Variants in LMAN2 observed in about 807,000 individuals in gnomAD.
LMAN2 encodes the protein vesicular integral-membrane protein VIP36.
Under a neutral mutation model 39.3 loss-of-function variants are expected in LMAN2, and 22 were observed. The observed-to-expected ratio is 0.56, with a 90% CI of 0.40 to 0.80. LMAN2 has a LOEUF of 0.80. LMAN2 is among the 30% of genes least tolerant of loss of function. The pLI, the probability that LMAN2 is intolerant of heterozygous loss-of-function variation, is 0.00. For synonymous variants in LMAN2, 207 were observed against 207.8 expected (o/e 1.00, Z 0.03); for missense variants, 494 against 505.4 (o/e 0.98, Z 0.22).
At chr5:177,343,795 G>A (rs1358045260) in intron 2 of LMAN2, among the ~76,000 whole-genome samples, 2 of 152,238 alleles carry the variant, frequency 1.3e-5, no homozygotes, top group Non-Finnish European at 2.9e-5. Context: ...GGGGATGGGA[G>A]TGATTGTTAA....
chr5:177,333,665 C>T (rs543543205), intron 7 of LMAN2, among the ~76,000 whole-genome samples: 86 of 152,358 alleles, frequency 5.6e-4, no homozygotes, highest in South Asian at 1.2e-3. Flanking sequence ...ACATCTGTGG[C>T]TCTTAGGGTG....
rs1291044694 is a variant in LMAN2, at chr5:177,337,690, T to C, written c.513+16A>G. On this transcript the variant is annotated intron_variant, in intron 4 of 7. Coordinates refer to ENST00000303127, the MANE Select transcript of LMAN2 (RefSeq NM_006816.3). This position sits in a 1 kb window ranked among gnomAD's most constrained non-coding sequence, Gnocchi z 8.2. ...GTCCTTCCTTTCCTGCTCAGCAGGATAGAGCAGGGGCCTACCTCAGTGGTC... is the reference window on the plus strand; with the variant it reads ...GTCCTTCCTTTCCTGCTCAGCAGGACAGAGCAGGGGCCTACCTCAGTGGTC... The C allele has an allele frequency of 1.2e-6, 2 of 1,611,978 alleles. No homozygotes were observed. The highest frequency in any genetic ancestry group is 8.5e-7 in the Non-Finnish European group (1 of 1,178,266).
chr5:177,334,306 G>C lies in LMAN2; in HGVS notation c.888C>G (p.Val296=). ...SIDWTKIEPS[V]NFLKSPKDNV... is the part of the protein sequence containing the mutation. ...CACCTTTGGGCGACTTGAGGAAGTT[G>C]ACGCTGGGCTCGATCTTGGTCCAGT... Residue 296 remains valine (V), a synonymous_variant, in exon 7 of 8, where the codon GTC becomes GTG. Transcript: ENST00000303127. 1 of 1,612,508 alleles carries C rather than the reference G, an allele frequency of 6.2e-7. No individual in the cohort carries two copies. Among genetic ancestry groups the C allele is most frequent in the Non-Finnish European group, 8.5e-7 (1 of 1,179,940 alleles).
chr5:177,336,558 C>T (rs1330177669), intron 6 of LMAN2, among the ~76,000 whole-genome samples: 1 of 152,176 alleles, frequency 6.6e-6, no homozygotes, highest in African/African-American at 2.4e-5. Context: ...GTGAGACGTG[C>T]TGTGAAAATA....
rs752019676 is a variant in LMAN2 at position 177,332,924 on chromosome 5, C to A, written c.911-678G>T. Among the ~76,000 whole-genome samples the A allele has an allele frequency of 6.6e-6, 1 of 152,136 alleles. No individual in the cohort carries two copies. Among genetic ancestry groups the A allele is most frequent in the Non-Finnish European group, 1.5e-5 (1 of 68,006 alleles). ...CTCTGCCTCCCTCCCTGACTGCGGC[C>A]CCCCCGACTCCACACTGTACAGTCT... On this transcript the variant is annotated intron_variant, in intron 7 of 7. Transcript: ENST00000303127. The surrounding 1 kb of genome is among the most constrained non-coding windows in gnomAD (Gnocchi z 6.3).
intron 2 of LMAN2, chr5:177,346,421 T>C (rs1447881922): frequency 1.5e-5 from 9 of 611,802 alleles, no homozygotes; most frequent in Middle Eastern, 6.5e-4. Context: ...ATTGCAGATA[T>C]TTAAAGTTGA....
rs1353627185 is a variant in LMAN2 at position 177,345,336 on chromosome 5, G to A, written c.315+5837C>T. 9.2e-5 allele frequency among the ~76,000 whole-genome samples: 7 copies of A among 75,752 alleles called. No individual in the cohort carries two copies. In the South Asian group the frequency reaches 1.4e-3, roughly 15 times the overall value. The allele number at this position is 75,752 out of a possible 152,430, so 49.7% of individuals were successfully genotyped here. The stretch of plus-strand genomic sequence containing the variant: ...AGCCTAGGTGACAGATTAAGACCCT[G>A]TCTAAAAAAAAAAAAAAAAAAAAAA... On this transcript the variant is annotated intron_variant, in intron 2 of 7. Transcript: ENST00000303127.
In LMAN2 at chr5:177,332,631, G is replaced by A. The variant is rs1761406071; in HGVS notation, c.911-385C>T. ...CTGTGGTCTGAGGGCCCTTTCTGGA[G>A]CAGCGCGGCCCTGGTCACAGGCTCT... On this transcript the variant is annotated intron_variant, in intron 7 of 7. Coordinates refer to ENST00000303127, the MANE Select transcript of LMAN2 (RefSeq NM_006816.3). This position sits in a 1 kb window ranked among gnomAD's most constrained non-coding sequence, Gnocchi z 6.3. Among the ~76,000 whole-genome samples, 1 of 152,116 alleles carries A rather than the reference G, an allele frequency of 6.6e-6. No individual in the cohort carries two copies. Among genetic ancestry groups the A allele is most frequent in the African/African-American group, 2.4e-5 (1 of 41,418 alleles).
intron 2 of LMAN2, among the ~76,000 whole-genome samples, chr5:177,345,727 C>T (rs1028795529): frequency 7.0e-6 from 1 of 142,066 alleles, no homozygotes; most frequent in Admixed American, 7.2e-5. Context: ...TCGCAGCAGC[C>T]ATGGCATGCA....
chr5:177,338,916 C>T (rs1761513885), intron 2 of LMAN2, among the ~76,000 whole-genome samples: 3 of 152,262 alleles, frequency 2.0e-5, no homozygotes, highest in Non-Finnish European at 2.9e-5. Flanking sequence ...ACTGTTCACC[C>T]TCATTACCAG....
At chr5:177,335,866 G>C (rs934928884) in intron 6 of LMAN2, among the ~76,000 whole-genome samples, 2 of 152,166 alleles carry the variant, frequency 1.3e-5, no homozygotes, top group Non-Finnish European at 2.9e-5. Context: ...GCCAGTTCTG[G>C]TCAGGAGCTG....
At chr5:177,344,166 T>C (rs925009750) in intron 2 of LMAN2, among the ~76,000 whole-genome samples, 31 of 150,110 alleles carry the variant, frequency 2.1e-4, no homozygotes, top group African/African-American at 7.6e-4. Flanking sequence ...TGCAATGAGC[T>C]AGGATTGCAC....
In LMAN2 at chr5:177,351,214, G is replaced by T. The variant is rs779547831; in HGVS notation, c.274C>A (p.Pro92Thr). ...MLTSQYVRLTPDERSKEGSIW... is the reference protein window; with the variant it reads ...MLTSQYVRLTTDERSKEGSIW... ...GAGCCCTCTTTGCTGCGCTCGTCAG[G>T]GGTCAGACGTACGTACTGGCTCGTG... The change falls in exon 2 of 8, where the codon CCT (proline) becomes ACT (threonine). Residue 92 changes from proline (P) to threonine (T), a missense_variant. Coordinates refer to ENST00000303127, the MANE Select transcript of LMAN2 (RefSeq NM_006816.3). 1 of 1,614,202 alleles carries T rather than the reference G, an allele frequency of 6.2e-7. No homozygotes were observed. Among genetic ancestry groups the T allele is most frequent in the Admixed American group, 1.7e-5 (1 of 60,028 alleles).
At chr5:177,335,235 G>A (rs1212397930) in intron 6 of LMAN2, among the ~76,000 whole-genome samples, 2 of 152,234 alleles carry the variant, frequency 1.3e-5, no homozygotes, top group African/African-American at 4.8e-5. Flanking sequence ...ACGGCGAGCG[G>A]CCCTGCAGGA....
In LMAN2 at chr5:177,337,484, G is replaced by T; in HGVS notation, c.554C>A (p.Ser185Tyr). Reference protein sequence around the residue: ...PYISVMVNNGSLSYDHSKDGR... With the variant: ...PYISVMVNNGYLSYDHSKDGR... ...ATCCTTGCTGTGGTCGTAGGACAGGGAGCCATTGTTCACCATCACCGAGAT... is the reference window on the plus strand; with the variant it reads ...ATCCTTGCTGTGGTCGTAGGACAGGTAGCCATTGTTCACCATCACCGAGAT... Residue 185 changes from serine (S) to tyrosine (Y), a missense_variant, in exon 5 of 8, where the codon TCC becomes TAC. Transcript: ENST00000303127. The surrounding 1 kb of genome is among the most constrained non-coding windows in gnomAD (Gnocchi z 8.2). 1 of 1,614,020 alleles carries T rather than the reference G, an allele frequency of 6.2e-7. No individual in the cohort carries two copies.
At chr5:177,349,807 T>C (rs1304820616) in intron 2 of LMAN2, among the ~76,000 whole-genome samples, 1 of 152,174 alleles carries the variant, frequency 6.6e-6, no homozygotes, top group African/African-American at 2.4e-5. Context: ...TGTGACAGAA[T>C]GTGACTCGGG....
chr5:177,345,032 C>A (rs1457117808), intron 2 of LMAN2, among the ~76,000 whole-genome samples: 1 of 151,786 alleles, frequency 6.6e-6, no homozygotes, highest in Non-Finnish European at 1.5e-5. Flanking sequence ...TTTACATAGC[C>A]ATGACATCTT....
At chr5:177,350,370 ATTC>A (rs577431753) in intron 2 of LMAN2, among the ~76,000 whole-genome samples, 325 of 152,252 alleles carry the variant, frequency 2.1e-3, no homozygotes, top group African/African-American at 6.9e-3. Context: ...GCCCCAAATT[ATTC>A]TTCTTTCCCC....
chr5:177,348,264 G>C (rs1220487375), intron 2 of LMAN2, among the ~76,000 whole-genome samples: 1 of 152,084 alleles, frequency 6.6e-6, no homozygotes, highest in African/African-American at 2.4e-5. Flanking sequence ...AAATTGAAAA[G>C]TTTAAATTAT....
Sources: allele counts gnomAD v4.1 joint callset (sites outside exome capture counted in the v4.1 genomes callset), GRCh38; gene constraint gnomAD v4.1.1; non-coding constraint Gnocchi (gnomAD v3.1); transcripts MANE v1.5; gene names NCBI Gene and HGNC (gene_info 2026-07-23, HGNC 2026-07-21).